The following RARB variants were observed in gnomAD, a reference collection of about 807,000 sequenced individuals.
The protein encoded by RARB is retinoic acid receptor beta.
Under a neutral mutation model 51.9 loss-of-function variants are expected in RARB, and 17 were observed. The observed-to-expected ratio is 0.33, with a 90% CI of 0.22 to 0.49. RARB has a LOEUF of 0.49. Among genes scored for constraint, RARB ranks in the 20% least tolerant of loss-of-function variants. RARB has a pLI of 0.99. For synonymous variants in RARB, 215 were observed against 195.4 expected (o/e 1.10, Z -0.84); for missense variants, 369 against 550.8 (o/e 0.67, Z 3.30).
In RARB at chr3:25,397,025, C is replaced by T. The variant is rs565249922; in HGVS notation, c.179-64168C>T. Among the ~76,000 whole-genome samples the T allele has an allele frequency of 9.2e-5, 14 of 152,272 alleles. No homozygotes were observed. The South Asian group carries it at 1.4e-3, about 16-fold the overall frequency. ...CTCTCAACTGCCATGGTTTCTTGCG[C>T]GCATATCTGCACTTCCCATTCACTG... On this transcript the variant is annotated intron_variant, in intron 5 of 11. Transcript: ENST00000383772.
upstream of RARB, among the ~76,000 whole-genome samples, chr3:25,425,414 G>A (rs1413651718): frequency 6.6e-6 from 1 of 152,104 alleles, no homozygotes; most frequent in Non-Finnish European, 1.5e-5. Context: ...TAAATCATGG[G>A]TCTGTTTTAT....
chr3:24,913,176 G>C (rs1006930519), intron 2 of RARB, among the ~76,000 whole-genome samples: 1 of 151,460 alleles, frequency 6.6e-6, no homozygotes, highest in Non-Finnish European at 1.5e-5. Context: ...AGTAGAGACG[G>C]GGTTTCACTG....
intron 5 of RARB, among the ~76,000 whole-genome samples, chr3:25,188,369 G>C (rs1197294414): frequency 6.6e-6 from 1 of 152,098 alleles, no homozygotes. Context: ...TAAAAAGGGA[G>C]ACCTTTTATT....
chr3:25,091,679 G>T (rs1399225305), intron 3 of RARB, among the ~76,000 whole-genome samples: 1 of 152,142 alleles, frequency 6.6e-6, no homozygotes, highest in Non-Finnish European at 1.5e-5. Flanking sequence ...AAAGGCATTT[G>T]TCACATTAAA....
chr3:25,198,485 C>T (rs1231587903), intron 5 of RARB, among the ~76,000 whole-genome samples: 1 of 152,014 alleles, frequency 6.6e-6, no homozygotes, highest in East Asian at 1.9e-4. Context: ...GAAGAGACAA[C>T]CCACAGAATG....
At chr3:24,949,064 G>A (rs1224843152) in intron 2 of RARB, among the ~76,000 whole-genome samples, 2 of 152,168 alleles carry the variant, frequency 1.3e-5, no homozygotes, top group Non-Finnish European at 2.9e-5. Context: ...TTCTGTTCCT[G>A]CTGAAAGACC....
chr3:24,891,572 T>C (rs1330174754), intron 2 of RARB, among the ~76,000 whole-genome samples: 1 of 152,176 alleles, frequency 6.6e-6, no homozygotes. Context: ...TCTATAAATA[T>C]ATAGTTAATA....
intron 1 of RARB, chr3:25,458,540 T>G (rs1239019923): frequency 1.3e-5 from 2 of 152,226 alleles, no homozygotes; most frequent in Non-Finnish European, 2.9e-5. Flanking sequence ...CATCTACTGC[T>G]TGATAGCTGA....
chr3:25,389,026 G>A (rs1706873792), intron 5 of RARB, among the ~76,000 whole-genome samples: 1 of 152,098 alleles, frequency 6.6e-6, no homozygotes, highest in Non-Finnish European at 1.5e-5. Flanking sequence ...CAAGAAAGAA[G>A]GAAAAGGAAG....
intron 5 of RARB, among the ~76,000 whole-genome samples, chr3:25,366,331 A>G (rs1044002517): frequency 4.6e-5 from 7 of 152,224 alleles, no homozygotes; most frequent in African/African-American, 1.7e-4. Flanking sequence ...CCCTACTAGA[A>G]TATGATGCTT....
chr3:25,457,462 A>G (rs12636934), intron 1 of RARB, among the ~76,000 whole-genome samples: 9,721 of 152,274 alleles, frequency 0.064, 367 homozygotes, highest in East Asian at 0.13. Flanking sequence ...GGCTCTCACT[A>G]TTGATTACTT....
chr3:25,482,521 A>ATTTTTTTTTTTTTTTTTT lies in RARB; in HGVS notation c.307-18642_307-18625dup, dbSNP rs71087718. Among the ~76,000 whole-genome samples the ATTTTTTTTTTTTTTTTTT allele has an allele frequency of 2.7e-4, 18 of 65,788 alleles. 2 individuals carry two copies. The highest frequency in any genetic ancestry group is 7.7e-4 in the African/African-American group (11 of 14,282). 43.2% of individuals were successfully genotyped at this position (65,788 alleles called of 152,430 possible). ...TAACTTTAAATTTTCTAGCAGCCAA[A>ATTTTTTTTTTTTTTTTTT]TTTTTTTTTTTTTTTTTTTTTTTTT... is the stretch of plus-strand genomic sequence containing the variant. On this transcript the variant is annotated intron_variant, in intron 2 of 7. Transcript: ENST00000330688.
intron 3 of RARB, among the ~76,000 whole-genome samples, chr3:25,565,605 G>C (rs1015079924): frequency 6.6e-6 from 1 of 152,102 alleles, no homozygotes; most frequent in Non-Finnish European, 1.5e-5. Context: ...AACAATGAAG[G>C]AACAAATGAA....
Position 25,597,136 on chromosome 3 carries a change from A to C in RARB, c.*520A>C, listed in dbSNP as rs1701869316. ...GACATCAAGGTAAGGAAACAGGACT[A>C]TTGACAGGACTATTGTACAGTATGA... On this transcript the variant is annotated 3_prime_UTR_variant, in exon 8 of 8. Coordinates refer to ENST00000330688, the MANE Select transcript of RARB (RefSeq NM_000965.5). 6.5e-6 allele frequency: 1 copy of C among 153,012 alleles called. No homozygotes were observed. Among genetic ancestry groups the C allele is most frequent in the Non-Finnish European group, 1.5e-5 (1 of 68,276 alleles). The allele number at this position is 153,012 out of a possible 1,614,324, so 9.5% of individuals were successfully genotyped here.
At chr3:24,861,613 A>C (rs1330677159) in intron 2 of RARB, among the ~76,000 whole-genome samples, 9 of 120,254 alleles carry the variant, frequency 7.5e-5, no homozygotes, top group South Asian at 5.2e-4. Flanking sequence ...AAAAAAAAAA[A>C]AACCTTTCCT....
intron 3 of RARB, among the ~76,000 whole-genome samples, chr3:25,081,814 G>A (rs1699011462): frequency 6.7e-6 from 1 of 150,134 alleles, no homozygotes; most frequent in East Asian, 2.0e-4. Context: ...TGTACTTTCA[G>A]TAGAGATGGG....
intron 2 of RARB, among the ~76,000 whole-genome samples, chr3:24,864,815 C>A (rs1222750213): frequency 1.3e-5 from 2 of 152,106 alleles, no homozygotes; most frequent in African/African-American, 4.8e-5. Flanking sequence ...AACCTTTATC[C>A]CAGAACATCA....
At position 24,971,840 on chromosome 3, in the gene RARB, G is replaced by A. The variant is rs147124607; in HGVS notation, c.-379-88285G>A. Among the ~76,000 whole-genome samples the A allele has an allele frequency of 4.6e-3, 700 of 152,044 alleles. 15 individuals carry two copies. The highest frequency in any genetic ancestry group is 0.042 in the Admixed American group (633 of 15,244). On this transcript the variant is annotated intron_variant, in intron 2 of 11. Transcript: ENST00000383772. The stretch of plus-strand genomic sequence containing the variant: ...GCAAAATTTTGTGATTCTATGACAA[G>A]CATTGGATAGTCTCAATATTATGAA...
intron 1 of RARB, among the ~76,000 whole-genome samples, chr3:25,432,058 C>G (rs563899552): frequency 6.6e-6 from 1 of 152,098 alleles, no homozygotes; most frequent in African/African-American, 2.4e-5. Flanking sequence ...ACATAATTTT[C>G]TGCTTCTCGG....
Sources: gnomAD v4.1 joint callset for allele counts (sites outside exome capture counted in the v4.1 genomes callset) on GRCh38, gnomAD v4.1.1 for gene constraint, MANE v1.5 for transcripts, NCBI Gene and HGNC (gene_info 2026-07-23, HGNC 2026-07-21) for gene names.